Variants in TTBK2 observed in about 807,000 individuals in gnomAD.
The protein encoded by TTBK2 is tau tubulin kinase 2, also known as tau-tubulin kinase 2.
TTBK2 carries 28 observed loss-of-function variants against 110.8 expected under a neutral mutation model. The observed-to-expected ratio is 0.25, with a 90% CI of 0.19 to 0.35. The LOEUF is 0.35. Ranked by LOEUF, TTBK2 falls within the 10% of genes least tolerant of loss-of-function variation. TTBK2 has a pLI of 1.00. For synonymous variants in TTBK2, 532 were observed against 527.3 expected (o/e 1.01, Z -0.12); for missense variants, 1,369 against 1,500.3 (o/e 0.91, Z 1.45).
Position 42,783,443 on chromosome 15 carries a change from G to A in TTBK2, c.1173C>T (p.Asn391=), listed in dbSNP as rs759246710. ...DVWEEMDANK[N]KIKLGICKAA... The stretch of plus-strand genomic sequence containing the variant: ...CCTTACAAATTCCAAGCTTTATCTT[G>A]TTTTTGTTGGCATCCATCTCTTCCC... Residue 391 remains asparagine, a synonymous_variant, in exon 11 of 15, where the codon AAC becomes AAT. Transcript: ENST00000267890. 6 of 1,613,918 alleles carry A rather than the reference G, an allele frequency of 3.7e-6. No individual in the cohort carries two copies. In the African/African-American group the frequency reaches 8.0e-5, roughly 22 times the overall value.
chr15:42,858,116 G>C (rs1894017126), intron 3 of TTBK2, among the ~76,000 whole-genome samples: 1 of 151,794 alleles, frequency 6.6e-6, no homozygotes, highest in African/African-American at 2.4e-5. Context: ...CAAAACCAAA[G>C]TTAATGGATT....
chr15:42,813,889 G>C (rs1427496840), intron 7 of TTBK2, among the ~76,000 whole-genome samples: 3 of 151,638 alleles, frequency 2.0e-5, no homozygotes, highest in Non-Finnish European at 4.4e-5. Context: ...ATTAAATAAA[G>C]TAACAAAGAT....
intron 13 of TTBK2, among the ~76,000 whole-genome samples, chr15:42,772,203 G>A (rs538282974): frequency 1.2e-4 from 18 of 152,026 alleles, no homozygotes; most frequent in African/African-American, 3.1e-4. Context: ...CTTCCATCTC[G>A]GTGGGAATGC....
intron 11 of TTBK2, among the ~76,000 whole-genome samples, chr15:42,780,726 G>A (rs1890146532): frequency 6.6e-6 from 1 of 152,108 alleles, no homozygotes; most frequent in African/African-American, 2.4e-5. Context: ...ACCACTTTGG[G>A]AGGCTGAGGC....
At chr15:42,838,044 C>T (rs913430150) in intron 4 of TTBK2, among the ~76,000 whole-genome samples, 1 of 151,900 alleles carries the variant, frequency 6.6e-6, no homozygotes, top group Non-Finnish European at 1.5e-5. Flanking sequence ...CCTGTCTCTA[C>T]TAAAAATACA....
Position 42,752,307 on chromosome 15 carries a change from T to C in TTBK2, c.2939A>G (p.Lys980Arg), listed in dbSNP as rs1199860577. Residue 980 changes from lysine (K) to arginine (R), a missense_variant, in exon 14 of 15, where the codon AAG becomes AGG. Physicochemically the swap from Lys to Arg is conservative, Grantham distance 26. Coordinates refer to ENST00000267890, the MANE Select transcript of TTBK2 (RefSeq NM_173500.4). The stretch of plus-strand genomic sequence containing the variant: ...GAATTGTCTTTTTTCCACCAGAAGC[T>C]TGACTAGGTCTGGCTGATAGGCTTT... ...QKKAYQPDLV[K>R]LLVEKRQFKS... 5 of 1,614,244 alleles carry C rather than the reference T, an allele frequency of 3.1e-6. No homozygotes were observed. The South Asian group carries it at 5.5e-5, about 18-fold the overall frequency.
intron 9 of TTBK2, among the ~76,000 whole-genome samples, chr15:42,803,043 G>A (rs370705818): frequency 3.3e-5 from 5 of 152,152 alleles, no homozygotes; most frequent in South Asian, 2.1e-4. Context: ...TCCTCAGCCC[G>A]CAGACGGCCT....
At chr15:42,831,816 T>C (rs1347236608) in intron 4 of TTBK2, among the ~76,000 whole-genome samples, 1 of 152,214 alleles carries the variant, frequency 6.6e-6, no homozygotes, top group Non-Finnish European at 1.5e-5. Context: ...CTGGCTCTCC[T>C]ATCGCAAGGG....
At chr15:42,762,583 G>A (rs1483562923) in intron 13 of TTBK2, among the ~76,000 whole-genome samples, 1 of 152,132 alleles carries the variant, frequency 6.6e-6, no homozygotes, top group Non-Finnish European at 1.5e-5. Context: ...CAGGCATGGT[G>A]GCATGTGCCT....
Position 42,752,409 on chromosome 15 carries a change from G to T in TTBK2, c.2837C>A (p.Pro946His). ...SSFVTRHSRI[P>H]VLAQEIDSTL... Reference sequence around the variant, plus strand: ...TGAGTCTATCTCTTGTGCTAAAACAGGGATTCGGCTGTGTCTAGTTACAAA... The same window carrying T: ...TGAGTCTATCTCTTGTGCTAAAACATGGATTCGGCTGTGTCTAGTTACAAA... The change falls in exon 14 of 15, where the codon CCT becomes CAT. Residue 946 changes from proline (P) to histidine (H), a missense_variant. By Grantham distance (77) the Pro-to-His change is moderately conservative. Coordinates refer to ENST00000267890, the MANE Select transcript of TTBK2 (RefSeq NM_173500.4). 6.2e-7 allele frequency: 1 copy of T among 1,614,196 alleles called. No individual in the cohort carries two copies. Among genetic ancestry groups the T allele is most frequent in the Non-Finnish European group, 8.5e-7 (1 of 1,180,040 alleles).
chr15:42,793,179 T>C (rs1192392690), intron 10 of TTBK2, among the ~76,000 whole-genome samples: 4 of 152,244 alleles, frequency 2.6e-5, no homozygotes, highest in Non-Finnish European at 5.9e-5. Context: ...TATGGACTTC[T>C]GTGCCCCACT....
intron 1 of TTBK2, chr15:42,919,661 A>G: frequency 3.5e-6 from 1 of 282,228 alleles, no homozygotes; most frequent in Non-Finnish European, 5.3e-6. Flanking sequence ...CAAAGAAAGA[A>G]TAATTTCTAA....
chr15:42,916,612 T>G (rs760322465), intron 1 of TTBK2, among the ~76,000 whole-genome samples: 2 of 152,236 alleles, frequency 1.3e-5, no homozygotes, highest in Non-Finnish European at 2.9e-5. Flanking sequence ...ATTACACGTG[T>G]GAGCCACCAC....
chr15:42,861,631 T>C (rs779019613), intron 3 of TTBK2, among the ~76,000 whole-genome samples: 1 of 151,742 alleles, frequency 6.6e-6, no homozygotes, highest in African/African-American at 2.4e-5. Flanking sequence ...AATGCCTTTA[T>C]CAAGAAGTCA....
intron 11 of TTBK2, among the ~76,000 whole-genome samples, chr15:42,777,916 C>T (rs1890002228): frequency 6.6e-6 from 1 of 152,014 alleles, no homozygotes; most frequent in Non-Finnish European, 1.5e-5. Flanking sequence ...TGGTGATATA[C>T]TCAGGGTAGC....
At position 42,879,468 on chromosome 15, in the gene TTBK2, T is replaced by C. The variant is rs149172841; in HGVS notation, c.-67-784A>G. On this transcript the variant is annotated intron_variant, in intron 1 of 14. Transcript: ENST00000267890. ...CTTAATGAAAATGATGGATTCTTTA[T>C]AGCAGGAGTCAGCAAACTTTTTCAA... Among the ~76,000 whole-genome samples the C allele has an allele frequency of 2.0e-4, 31 of 152,314 alleles. No individual in the cohort carries two copies. The East Asian group carries it at 4.4e-3, about 22-fold the overall frequency.
At chr15:42,776,208 A>C (rs1889913398) in intron 12 of TTBK2, among the ~76,000 whole-genome samples, 2 of 152,208 alleles carry the variant, frequency 1.3e-5, no homozygotes, top group Admixed American at 6.5e-5. Context: ...TGTCTTGGGA[A>C]ACAGTAATTA....
chr15:42,792,559 A>G (rs1192749127), intron 10 of TTBK2, among the ~76,000 whole-genome samples: 1 of 152,154 alleles, frequency 6.6e-6, no homozygotes, highest in African/African-American at 2.4e-5. Context: ...TAGTCTTTCT[A>G]GCACTGGTTT....
intron 1 of TTBK2, among the ~76,000 whole-genome samples, chr15:42,910,352 G>A (rs9920182): frequency 0.24 from 36,421 of 151,842 alleles, 5,199 homozygotes; most frequent in African/African-American, 0.4. Context: ...TTAGAAGCAC[G>A]CACACAATTT....
Sources: gnomAD v4.1 joint callset for allele counts (sites outside exome capture counted in the v4.1 genomes callset) on GRCh38, gnomAD v4.1.1 for gene constraint, MANE v1.5 for transcripts, NCBI Gene and HGNC (gene_info 2026-07-23, HGNC 2026-07-21) for gene names.